Variants in SYNPO observed in about 807,000 individuals in gnomAD.
The protein encoded by SYNPO is synaptopodin.
SYNPO carries 19 observed loss-of-function variants against 49.5 expected under a neutral mutation model. That is an observed-to-expected ratio of 0.38 (90% confidence interval 0.27 to 0.56). The LOEUF (loss-of-function observed/expected upper bound fraction) is 0.56, where lower values mean the gene tolerates loss of function less well. SYNPO is among the 20% of genes least tolerant of loss of function. SYNPO has a pLI of 0.68. For missense variants in SYNPO, 1,131 were observed against 1,248.3 expected (o/e 0.91, Z 1.42); for synonymous variants, 536 against 548.0 (o/e 0.98, Z 0.31).
intron 2 of SYNPO, among the ~76,000 whole-genome samples, chr5:150,635,295 C>G (rs1757678338): frequency 6.6e-6 from 1 of 152,224 alleles, no homozygotes; most frequent in Admixed American, 6.5e-5. Flanking sequence ...AAGCAAGCAG[C>G]ACCTCTGTGT....
At chr5:150,624,787 C>T (rs1757295403) in intron 2 of SYNPO, 3 of 933,208 alleles carry the variant, frequency 3.2e-6, no homozygotes, top group Admixed American at 1.3e-4. Flanking sequence ...GGGCGCGGAG[C>T]CTGGGCCTGG....
intron 2 of SYNPO, among the ~76,000 whole-genome samples, chr5:150,630,114 A>G (rs1757489374): frequency 1.3e-5 from 2 of 152,132 alleles, no homozygotes; most frequent in African/African-American, 4.8e-5. Context: ...CAACCTTTCT[A>G]TTCCCCTGGC....
chr5:150,586,112 G>A, the SYNPO span, among the ~76,000 whole-genome samples: 1 of 152,242 alleles, frequency 6.6e-6, no homozygotes, highest in East Asian at 1.9e-4. Context: ...CAGCATGCAG[G>A]ACTGGCAGAG....
At chr5:150,610,426 A>G (rs1756815349) in intron 1 of SYNPO, among the ~76,000 whole-genome samples, 1 of 152,180 alleles carries the variant, frequency 6.6e-6, no homozygotes, top group Admixed American at 6.5e-5. Context: ...CTGCTCTGGG[A>G]TCATGGGCAC....
chr5:150,594,226 G>T, the SYNPO span, among the ~76,000 whole-genome samples: 1 of 152,192 alleles, frequency 6.6e-6, no homozygotes, highest in Non-Finnish European at 1.5e-5. Flanking sequence ...GCCAAGTGGG[G>T]CTGGGGCAGT....
At chr5:150,637,371 C>T (rs1162998794), upstream of SYNPO, among the ~76,000 whole-genome samples, 1 of 152,218 alleles carries the variant, frequency 6.6e-6, no homozygotes, top group East Asian at 1.9e-4. Context: ...TAACTCACAG[C>T]CTGTGAGGAT....
At chr5:150,643,060 C>T (rs76884767) in intron 1 of SYNPO, among the ~76,000 whole-genome samples, 121 of 152,318 alleles carry the variant, frequency 7.9e-4, no homozygotes, top group African/African-American at 2.9e-3. Context: ...TTTTCTAAAC[C>T]CATGGCCTTC....
chr5:150,639,437 T>C (rs1488343626), upstream of SYNPO, among the ~76,000 whole-genome samples: 2 of 152,166 alleles, frequency 1.3e-5, no homozygotes, highest in Admixed American at 6.5e-5. Flanking sequence ...TCTGAATGGA[T>C]TGATGAGGGC....
chr5:150,657,294 C>A lies in SYNPO; in HGVS notation c.*207C>A. ...GCTGTTGTGTGACCCTGGGTAAGAC[C>A]CTTCCTTGTTTGACCCTCAGCTTTC... On this transcript the variant is annotated 3_prime_UTR_variant, in exon 3 of 3. Coordinates refer to ENST00000307662, the MANE Select transcript of SYNPO (RefSeq NM_007286.6). 1 of 610,204 alleles carries A rather than the reference C, an allele frequency of 1.6e-6. No individual in the cohort carries two copies. Among genetic ancestry groups the A allele is most frequent in the Non-Finnish European group, 2.8e-6 (1 of 357,314 alleles). 37.8% of individuals were successfully genotyped at this position (610,204 alleles called of 1,614,324 possible). A position where few individuals can be genotyped will look rare whatever the true frequency, so the allele number is the denominator to read the frequency against.
At chr5:150,638,069 T>C (rs891402338), upstream of SYNPO, among the ~76,000 whole-genome samples, 58 of 142,056 alleles carry the variant, frequency 4.1e-4, no homozygotes, top group African/African-American at 1.5e-3. Context: ...TCTATTCAGC[T>C]GGTCTTGATT....
At chr5:150,618,100 T>C (rs540977872) in intron 1 of SYNPO, 239 of 402,738 alleles carry the variant, frequency 5.9e-4, no homozygotes, top group Non-Finnish European at 6.3e-4. Context: ...CCTATGCCGA[T>C]AGATTGCCCC....
At chr5:150,639,920 GGCAGCA>G (rs1757840604), upstream of SYNPO, among the ~76,000 whole-genome samples, 1 of 150,906 alleles carries the variant, frequency 6.6e-6, no homozygotes, top group African/African-American at 2.5e-5. Context: ...ACTGGGAGGG[GGCAGCA>G]TGGCCCACGT....
Position 150,656,661 on chromosome 5 carries a change from C to T in SYNPO, c.2286C>T (p.Ile762=), listed in dbSNP as rs1758567474. ...AGGCGCTTCTGGCGCGAAACATCATCAATGCGGCCCGGCGCAAGAGCGCCT... is the reference window on the plus strand; with the variant it reads ...AGGCGCTTCTGGCGCGAAACATCATTAATGCGGCCCGGCGCAAGAGCGCCT... ...QLQALLARNI[I]NAARRKSASP... Residue 762 remains isoleucine (I), a synonymous_variant, in exon 3 of 3, where the codon ATC becomes ATT. Coordinates refer to ENST00000307662, the MANE Select transcript of SYNPO (RefSeq NM_007286.6). The T allele has an allele frequency of 2.7e-6, 4 of 1,499,006 alleles. No homozygotes were observed. Among genetic ancestry groups the T allele is most frequent in the Non-Finnish European group, 3.5e-6 (4 of 1,131,860 alleles). The allele number at this position is 1,499,006 out of a possible 1,614,324, so 92.9% of individuals were successfully genotyped here.
At chr5:150,638,296 C>T (rs17111263), upstream of SYNPO, among the ~76,000 whole-genome samples, 35,644 of 152,158 alleles carry the variant, frequency 0.23, 4,519 homozygotes, top group Non-Finnish European at 0.27. Flanking sequence ...AAACATTCTT[C>T]CCCTTAGGTC....
intron 2 of SYNPO, among the ~76,000 whole-genome samples, chr5:150,630,499 C>T (rs1420750573): frequency 6.6e-6 from 1 of 152,154 alleles, no homozygotes; most frequent in African/African-American, 2.4e-5. Context: ...AATATGGGGC[C>T]CTTTGGGAGG....
intron 1 of SYNPO, among the ~76,000 whole-genome samples, chr5:150,601,344 C>T (rs1471968740): frequency 2.0e-5 from 3 of 152,052 alleles, no homozygotes; most frequent in East Asian, 1.9e-4. Context: ...CTGTCTGGGA[C>T]GGAAATGCCA....
At chr5:150,641,346 G>C (rs1161694871) in intron 1 of SYNPO, among the ~76,000 whole-genome samples, 1 of 152,320 alleles carries the variant, frequency 6.6e-6, no homozygotes, top group East Asian at 1.9e-4. Context: ...TACCCAGCCT[G>C]TTTACCCTTC....
rs1554108180 is a variant in SYNPO at position 150,620,899 on chromosome 5, C to CCCTTTCTTTCTT, written c.400+2132_400+2133insCCTTTCTTTCTT. On this transcript the variant is annotated intron_variant, in intron 2 of 2. Coordinates refer to the SYNPO transcript ENST00000394243. ...TTTCTTTTTCTTTTTTTCTTTTTTT[C>CCCTTTCTTTCTT]TCTTTCTTTCTTTCTTTCTTTCTTT... Among the ~76,000 whole-genome samples the CCCTTTCTTTCTT allele has an allele frequency of 5.5e-5, 6 of 108,866 alleles. No individual in the cohort carries two copies. In the South Asian group the frequency reaches 2.2e-3, roughly 41 times the overall value. 71.4% of individuals were successfully genotyped at this position (108,866 alleles called of 152,430 possible).
At chr5:150,617,329 T>G (rs1276270580) in intron 1 of SYNPO, among the ~76,000 whole-genome samples, 1 of 152,050 alleles carries the variant, frequency 6.6e-6, no homozygotes, top group African/African-American at 2.4e-5. Flanking sequence ...GAGTTTCTGC[T>G]CTGTTGCCCA....
Sources: allele counts gnomAD v4.1 joint callset (sites outside exome capture counted in the v4.1 genomes callset), GRCh38; gene constraint gnomAD v4.1.1; transcripts MANE v1.5; gene names NCBI Gene and HGNC (gene_info 2026-07-23, HGNC 2026-07-21).